The following SCMH1 variants were observed in gnomAD, a reference collection of about 807,000 sequenced individuals.
SCMH1 encodes the protein Scm polycomb group protein homolog 1.
Under a neutral mutation model 70.8 loss-of-function variants are expected in SCMH1, and 37 were observed. The observed-to-expected ratio is 0.52, with a 90% confidence interval of 0.40 to 0.69. The LOEUF (loss-of-function observed/expected upper bound fraction) is 0.69, where lower values mean the gene tolerates loss of function less well. Among genes scored for constraint, SCMH1 ranks in the 30% least tolerant of loss-of-function variants. The pLI, the probability that SCMH1 is intolerant of heterozygous loss-of-function variation, is 0.00. For synonymous variants in SCMH1, 292 were observed against 307.4 expected (o/e 0.95, Z 0.52); for missense variants, 607 against 827.3 (o/e 0.73, Z 3.27).
chr1:41,034,858 G>A (rs575252367), intron 13 of SCMH1, among the ~76,000 whole-genome samples: 3 of 152,084 alleles, frequency 2.0e-5, no homozygotes, highest in Non-Finnish European at 2.9e-5. Flanking sequence ...ATAGATATCT[G>A]GGTTTCTGCC....
intron 6 of SCMH1, among the ~76,000 whole-genome samples, chr1:41,117,433 C>T (rs1007286275): frequency 6.6e-6 from 1 of 152,190 alleles, no homozygotes; most frequent in South Asian, 2.1e-4. Flanking sequence ...CCAAGCGGAC[C>T]GTGGTCTAGT....
intron 12 of SCMH1, chr1:41,043,841 A>G (rs1646553746): frequency 6.6e-6 from 1 of 152,146 alleles, no homozygotes; most frequent in Admixed American, 6.5e-5. Flanking sequence ...TCTCATCTGC[A>G]GTTAACTCTC....
chr1:41,027,913 G>C lies in SCMH1; in HGVS notation c.*281C>G, dbSNP rs894369923. 9 of 420,070 alleles carry C rather than the reference G, an allele frequency of 2.1e-5. No homozygotes were observed. In the South Asian group the frequency reaches 3.2e-4, roughly 15 times the overall value. 26.0% of individuals were successfully genotyped at this position (420,070 alleles called of 1,614,324 possible). A position where few individuals can be genotyped will look rare whatever the true frequency, so the allele number is the denominator to read the frequency against. ...GGCATTCAGCCTAAACTCCTGGTGAGAGGCCAGCCAGGGTTGAGAAATAAA... is the reference window on the plus strand; with the variant it reads ...GGCATTCAGCCTAAACTCCTGGTGACAGGCCAGCCAGGGTTGAGAAATAAA... On this transcript the variant is annotated 3_prime_UTR_variant, in exon 15 of 15. Coordinates refer to ENST00000337495, the Ensembl canonical transcript of SCMH1.
At chr1:41,093,192 C>T (rs910785171) in intron 8 of SCMH1, among the ~76,000 whole-genome samples, 1 of 151,786 alleles carries the variant, frequency 6.6e-6, no homozygotes, top group Non-Finnish European at 1.5e-5. Flanking sequence ...ACTATGCAGC[C>T]ATAAAAAAGG....
rs1661293586 is a variant in SCMH1 at position 41,085,332 on chromosome 1, T to C, written c.746-9881A>G. 3.3e-5 allele frequency among the ~76,000 whole-genome samples: 5 copies of C among 152,196 alleles called. No individual in the cohort carries two copies. The South Asian group carries it at 1.0e-3, about 32-fold the overall frequency. On this transcript the variant is annotated intron_variant, in intron 8 of 14. Coordinates refer to ENST00000337495, the Ensembl canonical transcript of SCMH1. ...ATGCTGGAAAGGTTTTTGACAAAAT[T>C]AAGCACTCAAGAAAATATAAATAGT...
intron 13 of SCMH1, among the ~76,000 whole-genome samples, chr1:41,029,037 C>G (rs1644141006): frequency 6.6e-6 from 1 of 151,976 alleles, no homozygotes; most frequent in Admixed American, 6.5e-5. Flanking sequence ...TCTGGGGGGC[C>G]TGGTGAGTGG....
chr1:41,134,424 T>A (rs999716587), intron 6 of SCMH1, among the ~76,000 whole-genome samples: 3 of 152,174 alleles, frequency 2.0e-5, no homozygotes, highest in African/African-American at 7.2e-5. Flanking sequence ...GTATTAGAAG[T>A]TCTGGCTAGG....
At chr1:41,107,188 G>A (rs1197742386) in intron 8 of SCMH1, among the ~76,000 whole-genome samples, 1 of 151,832 alleles carries the variant, frequency 6.6e-6, no homozygotes, top group African/African-American at 2.4e-5. Flanking sequence ...CTATAGAGCA[G>A]CCCATGTTAG....
chr1:41,136,529 G>C (rs1271805011), intron 6 of SCMH1, among the ~76,000 whole-genome samples: 1 of 151,270 alleles, frequency 6.6e-6, no homozygotes, highest in Non-Finnish European at 1.5e-5. Flanking sequence ...ATGCACCACC[G>C]TGCCCAGCTA....
rs1043624920 is a variant in SCMH1 at position 41,181,100 on chromosome 1, C to G, written c.13+5021G>C. 3.9e-5 allele frequency among the ~76,000 whole-genome samples: 6 copies of G among 152,052 alleles called. 1 individual carries two copies. The highest frequency in any genetic ancestry group is 4.1e-4 in the South Asian group (2 of 4,820). On this transcript the variant is annotated intron_variant, in intron 2 of 14. Transcript: ENST00000337495. ...CTGACAAAAATAAGAAATGGGGAAACGATTCCCTATTTAATAAATGGTGCT... is the reference window on the plus strand; with the variant it reads ...CTGACAAAAATAAGAAATGGGGAAAGGATTCCCTATTTAATAAATGGTGCT...
intron 4 of SCMH1, among the ~76,000 whole-genome samples, chr1:41,158,389 G>A (rs1226141099): frequency 1.3e-5 from 2 of 152,188 alleles, no homozygotes; most frequent in African/African-American, 2.4e-5. Flanking sequence ...GGGTGCTACA[G>A]GAGCACCCAG....
At chr1:41,152,251 C>G (rs963444733) in intron 4 of SCMH1, among the ~76,000 whole-genome samples, 1 of 152,110 alleles carries the variant, frequency 6.6e-6, no homozygotes, top group Non-Finnish European at 1.5e-5. Context: ...TCTCACCTAC[C>G]CCCGCTGCAC....
At position 41,035,482 on chromosome 1, in the gene SCMH1, T is replaced by C. The variant is rs193184274; in HGVS notation, c.1678+1880A>G. Among the ~76,000 whole-genome samples the C allele has an allele frequency of 4.7e-3, 716 of 152,258 alleles. 4 individuals carry two copies. The highest frequency in any genetic ancestry group is 7.6e-3 in the Non-Finnish European group (514 of 68,020). The stretch of plus-strand genomic sequence containing the variant: ...CATCCCCTTTTCTTTGGTCCATTTT[T>C]CCCCATCTTCTTTAAGACTAGTCCA... On this transcript the variant is annotated intron_variant, in intron 13 of 14. Transcript: ENST00000337495.
At chr1:41,200,518 T>A (rs201214400) in intron 1 of SCMH1, among the ~76,000 whole-genome samples, 21 of 146,120 alleles carry the variant, frequency 1.4e-4, no homozygotes, top group South Asian at 4.2e-4. Flanking sequence ...AATAATAATA[T>A]AATAATAATA....
At chr1:41,155,708 G>A (rs935415300) in intron 4 of SCMH1, among the ~76,000 whole-genome samples, 2 of 152,082 alleles carry the variant, frequency 1.3e-5, no homozygotes, top group African/African-American at 2.4e-5. Flanking sequence ...TGGGCCGGGC[G>A]CAGTAGTTCA....
intron 8 of SCMH1, among the ~76,000 whole-genome samples, chr1:41,086,056 G>A (rs763130963): frequency 6.6e-6 from 1 of 151,952 alleles, no homozygotes; most frequent in Non-Finnish European, 1.5e-5. Context: ...GGCCAGGATG[G>A]TCTCGATCTC....
At chr1:41,101,670 A>G (rs1666683823) in intron 8 of SCMH1, among the ~76,000 whole-genome samples, 1 of 152,184 alleles carries the variant, frequency 6.6e-6, no homozygotes, top group African/African-American at 2.4e-5. Context: ...AATGTCTGCT[A>G]AATATCCAAG....
At chr1:41,229,933 C>T (rs1267782272) in intron 1 of SCMH1, among the ~76,000 whole-genome samples, 1 of 152,094 alleles carries the variant, frequency 6.6e-6, no homozygotes, top group Non-Finnish European at 1.5e-5. Flanking sequence ...GGAAGACTCT[C>T]CCAGGCAGAT....
chr1:41,147,513 T>C (rs1644694016), intron 5 of SCMH1, among the ~76,000 whole-genome samples: 1 of 152,206 alleles, frequency 6.6e-6, no homozygotes, highest in South Asian at 2.1e-4. Flanking sequence ...AATGTGTATC[T>C]ACATATGTTG....
Sources: allele counts gnomAD v4.1 joint callset (sites outside exome capture counted in the v4.1 genomes callset), GRCh38; gene constraint gnomAD v4.1.1; transcripts MANE v1.5; gene names NCBI Gene and HGNC (gene_info 2026-07-23, HGNC 2026-07-21).